FRMPD4: variants seen among roughly 807,000 people sequenced by gnomAD.
The protein encoded by FRMPD4 is FERM and PDZ domain containing 4.
Under a neutral mutation model 94.1 loss-of-function variants are expected in FRMPD4, and 22 were observed. That is an observed-to-expected ratio of 0.23 (90% confidence interval 0.17 to 0.33). The LOEUF is 0.33. Among genes scored for constraint, FRMPD4 ranks in the 10% least tolerant of loss-of-function variants. The probability of loss-of-function intolerance (pLI) is 1.00; values close to 1 mark genes in which losing one functional copy is unlikely to be tolerated. For synonymous variants in FRMPD4, 631 were observed against 548.6 expected, an observed-to-expected ratio of 1.15 and a Z score of -2.10; for missense variants, 1,111 against 1,339.9, an observed-to-expected ratio of 0.83 and a Z score of 2.67.
chrX:11,988,354 A>T (rs538775332), intron 3 of FRMPD4, among the ~76,000 whole-genome samples: 3 of 112,209 alleles, frequency 2.7e-5, no homozygotes, highest in African/African-American at 9.7e-5. Context: ...AGTCTCTTCA[A>T]TAAATAGCAC....
At chrX:12,605,266 C>T (rs975630266) in intron 2 of FRMPD4, among the ~76,000 whole-genome samples, 11 of 112,346 alleles carry the variant, frequency 9.8e-5, no homozygotes, top group African/African-American at 3.2e-4. Context: ...CATCAGGACA[C>T]GAGAACTGCA....
intron 3 of FRMPD4, among the ~76,000 whole-genome samples, chrX:11,899,300 T>G (rs1045388120): frequency 1.8e-5 from 2 of 110,573 alleles, no homozygotes; most frequent in African/African-American, 3.3e-5. Flanking sequence ...CAGAAGAAAA[T>G]GGGTGAAAAG....
At chrX:11,914,006 TGA>T (rs376341293) in intron 3 of FRMPD4, among the ~76,000 whole-genome samples, 1 of 112,184 alleles carries the variant, frequency 8.9e-6, no homozygotes, top group African/African-American at 3.2e-5. Context: ...CGTTAGACAG[TGA>T]GAGTTTCCAA....
intron 1 of FRMPD4, among the ~76,000 whole-genome samples, chrX:12,293,392 T>C (rs2054718729): frequency 8.9e-6 from 1 of 112,778 alleles, no homozygotes; most frequent in Admixed American, 9.4e-5. Flanking sequence ...CCAGAAAGAA[T>C]TGTACCTTAA....
intron 2 of FRMPD4, among the ~76,000 whole-genome samples, chrX:12,597,055 C>G (rs2059038385): frequency 8.9e-6 from 1 of 111,839 alleles, no homozygotes; most frequent in Admixed American, 9.5e-5. Flanking sequence ...TGAGAGCTAC[C>G]AGCTCTGTTC....
rs780616206 is a variant in FRMPD4 at position 11,925,406 on chromosome X, C to T, written c.95+47388C>T. Among the ~76,000 whole-genome samples the T allele has an allele frequency of 4.5e-5, 5 of 111,472 alleles. No individual in the cohort carries two copies. The East Asian group carries it at 1.4e-3, about 31-fold the overall frequency. The stretch of plus-strand genomic sequence containing the variant: ...TAGACTCAGCACGGGATCAAATGGA[C>T]CTGATATCTACAGAACTCTCTACCC... On this transcript the variant is annotated intron_variant, in intron 3 of 18. Coordinates refer to the FRMPD4 transcript ENST00000640291.
At chrX:11,843,939 T>C in intron 1 of FRMPD4, among the ~76,000 whole-genome samples, 1 of 110,159 alleles carries the variant, frequency 9.1e-6, no homozygotes, top group East Asian at 2.8e-4. Context: ...GGATTTTCTT[T>C]AACATTCTTT....
intron 3 of FRMPD4, among the ~76,000 whole-genome samples, chrX:11,932,265 T>G (rs1020468029): frequency 8.9e-6 from 1 of 112,005 alleles, no homozygotes; most frequent in African/African-American, 3.2e-5. Flanking sequence ...ACTTAAAAAC[T>G]TAATAAAATG....
intron 3 of FRMPD4, among the ~76,000 whole-genome samples, chrX:12,066,871 G>GCTTTTTTTT (rs1555920311): frequency 1.0e-5 from 1 of 100,073 alleles, no homozygotes; most frequent in African/African-American, 3.6e-5. Context: ...TTTTGTTTTT[G>GCTTTTTTTT]TTTTTGTTTT....
intron 7 of FRMPD4, among the ~76,000 whole-genome samples, chrX:12,687,961 C>T (rs1050500753): frequency 5.4e-5 from 6 of 111,908 alleles, no homozygotes; most frequent in African/African-American, 2.0e-4. Flanking sequence ...ATTGTTAGCG[C>T]AGACTATCTG....
In FRMPD4 at chrX:12,683,432, G is replaced by A. The variant is rs771686262; in HGVS notation, c.469-51G>A. 4 of 643,831 alleles carry A rather than the reference G, an allele frequency of 6.2e-6. No individual in the cohort carries two copies. The Admixed American group carries it at 7.6e-5, about 12-fold the overall frequency. 53.1% of individuals were successfully genotyped at this position (643,831 alleles called of 1,213,427 possible). ...CTAAGATGGAAAACAACTGTTACAAGGTTTGCATTATGTTACCAGTAATCA... is the reference window on the plus strand; with the variant it reads ...CTAAGATGGAAAACAACTGTTACAAAGTTTGCATTATGTTACCAGTAATCA... On this transcript the variant is annotated intron_variant, in intron 5 of 16. Coordinates refer to ENST00000675598, the MANE Select transcript of FRMPD4 (RefSeq NM_001368397.1).
intron 1 of FRMPD4, among the ~76,000 whole-genome samples, chrX:12,242,302 C>T (rs1031201599): frequency 9.0e-6 from 1 of 111,211 alleles, no homozygotes; most frequent in Non-Finnish European, 1.9e-5. Context: ...GTTCAACAAC[C>T]TTGTACTCTC....
chrX:11,831,031 T>C (rs1333222890), intron 1 of FRMPD4, among the ~76,000 whole-genome samples: 1 of 110,147 alleles, frequency 9.1e-6, no homozygotes, highest in Non-Finnish European at 1.9e-5. Flanking sequence ...ATATCTTATT[T>C]TGATAAACCA....
At chrX:11,922,224 T>C (rs1189342538) in intron 3 of FRMPD4, among the ~76,000 whole-genome samples, 1 of 111,684 alleles carries the variant, frequency 9.0e-6, no homozygotes, top group Non-Finnish European at 1.9e-5. Context: ...TCTTCTCAGC[T>C]TCTGGGGAGG....
In FRMPD4 at chrX:11,845,064, T is replaced by G. The variant is rs1279000417; in HGVS notation, c.-160-20022T>G. On this transcript the variant is annotated intron_variant, in intron 1 of 18. Coordinates refer to the FRMPD4 transcript ENST00000640291. The stretch of plus-strand genomic sequence containing the variant: ...CCATCTGGATATAATGATTATCTCT[T>G]TATTGAAACTCTTCATTCATTGAGT... Among the ~76,000 whole-genome samples the G allele has an allele frequency of 5.3e-5, 6 of 112,340 alleles. 1 individual carries two copies. The highest frequency in any genetic ancestry group is 1.6e-4 in the African/African-American group (5 of 30,963).
At chrX:12,271,570 C>T (rs2054355441) in intron 1 of FRMPD4, among the ~76,000 whole-genome samples, 1 of 112,183 alleles carries the variant, frequency 8.9e-6, no homozygotes, top group Non-Finnish European at 1.9e-5. Flanking sequence ...ACACAGTGTG[C>T]CAAAAAGCTG....
chrX:12,362,280 G>A (rs1601858728), intron 1 of FRMPD4, among the ~76,000 whole-genome samples: 2 of 108,555 alleles, frequency 1.8e-5, no homozygotes. Context: ...ATATGTATAC[G>A]TGTGCCATGT....
intron 3 of FRMPD4, among the ~76,000 whole-genome samples, chrX:11,954,614 C>T (rs767195978): frequency 6.7e-4 from 75 of 111,596 alleles, no homozygotes; most frequent in African/African-American, 2.4e-3. Flanking sequence ...TTTCAAATAC[C>T]ACATTTTTTT....
intron 3 of FRMPD4, among the ~76,000 whole-genome samples, chrX:12,611,301 A>G (rs1185222921): frequency 2.7e-5 from 3 of 112,373 alleles, no homozygotes; most frequent in Admixed American, 1.9e-4. Context: ...GATTTTGCAA[A>G]TCAGTAACAG....
Sources: allele counts gnomAD v4.1 joint callset (sites outside exome capture counted in the v4.1 genomes callset), GRCh38; gene constraint gnomAD v4.1.1; transcripts MANE v1.5; gene names NCBI Gene and HGNC (gene_info 2026-07-23, HGNC 2026-07-21).